SFI1: variants seen among roughly 807,000 people sequenced by gnomAD.
The protein encoded by SFI1 is SFI1 centrin binding protein.
Under a neutral mutation model 207.5 loss-of-function variants are expected in SFI1, and 195 were observed. The observed-to-expected ratio is 0.94, with a 90% CI of 0.84 to 1.06. The LOEUF (loss-of-function observed/expected upper bound fraction) is 1.06. SFI1 is among the 50% of genes least tolerant of loss of function. SFI1 has a pLI of 0.00. For missense variants in SFI1, 1,634 were observed against 1,588.0 expected, an observed-to-expected ratio of 1.03 and a Z score of -0.49; for synonymous variants, 630 against 598.9, an observed-to-expected ratio of 1.05 and a Z score of -0.76.
At chr22:31,614,284 G>C in intron 27 of SFI1, 12 of 317,302 alleles carry the variant, frequency 3.8e-5, no homozygotes, top group Non-Finnish European at 4.3e-5. Context: ...GTGTGAGCTG[G>C]CACCTGTCCC....
At chr22:31,552,692 C>T (rs1257078615) in intron 6 of SFI1, among the ~76,000 whole-genome samples, 1 of 152,136 alleles carries the variant, frequency 6.6e-6, no homozygotes, top group African/African-American at 2.4e-5. Context: ...TAGATTCCCG[C>T]TAGTGGGATT....
intron 12 of SFI1, among the ~76,000 whole-genome samples, chr22:31,582,206 T>TATATATATATATATATATATATATATATA (rs1569376507): frequency 2.7e-5 from 1 of 36,616 alleles, no homozygotes; most frequent in Non-Finnish European, 4.5e-5. Context: ...TTATTACATT[T>TATATATATATATATATATATATATATATA]TATATATATA....
intron 6 of SFI1, among the ~76,000 whole-genome samples, chr22:31,551,623 CT>C (rs2060633214): frequency 6.6e-6 from 1 of 152,152 alleles, no homozygotes; most frequent in Non-Finnish European, 1.5e-5. Flanking sequence ...TAGAGATGGG[CT>C]TTTGCCATGT....
At chr22:31,534,114 C>CATTTT (rs958471651) in intron 4 of SFI1, among the ~76,000 whole-genome samples, 1 of 152,040 alleles carries the variant, frequency 6.6e-6, no homozygotes, top group Admixed American at 6.6e-5. Context: ...TTATTACTCT[C>CATTTT]ATTTTATTTT....
At chr22:31,501,098 A>G (rs1056852812) in intron 1 of SFI1, among the ~76,000 whole-genome samples, 2 of 151,674 alleles carry the variant, frequency 1.3e-5, no homozygotes, top group African/African-American at 4.8e-5. Context: ...TGCCCGGCCA[A>G]ATATTTTTAA....
intron 8 of SFI1, among the ~76,000 whole-genome samples, chr22:31,564,337 A>AG (rs2062033091): frequency 6.6e-6 from 1 of 151,710 alleles, no homozygotes; most frequent in African/African-American, 2.4e-5. Context: ...AAAAAAAAAA[A>AG]AAAAAAATTA....
At chr22:31,510,183 T>C (rs1475873912) in intron 2 of SFI1, among the ~76,000 whole-genome samples, 1 of 151,746 alleles carries the variant, frequency 6.6e-6, no homozygotes, top group Non-Finnish European at 1.5e-5. Flanking sequence ...CTATCTGTGC[T>C]TTTTTTTGTA....
intron 20 of SFI1, chr22:31,605,282 C>T (rs765573429): frequency 8.1e-4 from 149 of 184,522 alleles, no homozygotes; most frequent in Middle Eastern, 4.4e-3. Context: ...CCAGAGGCTT[C>T]AGCGACTCCC....
intron 8 of SFI1, among the ~76,000 whole-genome samples, chr22:31,563,543 T>TA (rs2061945374): frequency 2.0e-5 from 3 of 152,190 alleles, no homozygotes; most frequent in Middle Eastern, 3.4e-3. Flanking sequence ...CTGATGCTAC[T>TA]GTTGCTCAGA....
chr22:31,548,859 T>A (rs1345733589), intron 5 of SFI1, among the ~76,000 whole-genome samples: 1 of 151,518 alleles, frequency 6.6e-6, no homozygotes, highest in Non-Finnish European at 1.5e-5. Context: ...TATTTAAAAC[T>A]AGGAAAATAT....
chr22:31,602,812 C>A (rs1171132101), intron 17 of SFI1, 27 bp downstream of exon 17: 3 of 1,605,368 alleles, frequency 1.9e-6, no homozygotes, highest in Non-Finnish European at 2.6e-6. Flanking sequence ...GCCTTACAAG[C>A]CTTTCCATCA....
At chr22:31,513,304 A>G (rs560864331) in intron 2 of SFI1, among the ~76,000 whole-genome samples, 1 of 151,736 alleles carries the variant, frequency 6.6e-6, no homozygotes, top group African/African-American at 2.4e-5. Context: ...GACTTCAGTA[A>G]TGCACCACCA....
upstream of SFI1, chr22:31,496,215 G>A (rs895923223): frequency 6.6e-6 from 1 of 152,228 alleles, no homozygotes; most frequent in African/African-American, 2.4e-5. Context: ...GGCCGCGGGC[G>A]GCGTAACTCG....
At chr22:31,575,196 A>G (rs2063356858) in intron 9 of SFI1, 35 bp from the exon 10 acceptor site, 1 of 1,565,462 alleles carries the variant, frequency 6.4e-7, no homozygotes. Flanking sequence ...ATCTAACCTT[A>G]GGGGAGTAGC....
intron 8 of SFI1, among the ~76,000 whole-genome samples, chr22:31,564,036 T>A (rs1264381252): frequency 6.6e-6 from 1 of 151,824 alleles, no homozygotes; most frequent in Admixed American, 6.6e-5. Flanking sequence ...TAGAAAAATA[T>A]TAGCAGATAG....
chr22:31,583,009 ATCC>A (rs2064544873), intron 12 of SFI1, among the ~76,000 whole-genome samples: 3 of 152,124 alleles, frequency 2.0e-5, no homozygotes, highest in Admixed American at 6.6e-5. Context: ...TCGTAGCCTC[ATCC>A]TCCTGGGCTC....
intron 15 of SFI1, among the ~76,000 whole-genome samples, chr22:31,593,181 C>G (rs1046309144): frequency 6.7e-6 from 1 of 149,592 alleles, no homozygotes; most frequent in African/African-American, 2.5e-5. Context: ...CGGGCGGAGA[C>G]GCTCCTCACC....
chr22:31,519,792 C>T (rs1197649507), intron 2 of SFI1, among the ~76,000 whole-genome samples: 3 of 151,904 alleles, frequency 2.0e-5, no homozygotes, highest in Non-Finnish European at 4.4e-5. Flanking sequence ...CAGCTGATCT[C>T]AACTCCTAGC....
At chr22:31,558,532 G>A (rs1048563244) in intron 7 of SFI1, among the ~76,000 whole-genome samples, 1 of 150,030 alleles carries the variant, frequency 6.7e-6, no homozygotes, top group Non-Finnish European at 1.5e-5. Context: ...GCAGTGGTGT[G>A]ATCTTGGCTC....
Sources: gnomAD v4.1 joint callset for allele counts (sites outside exome capture counted in the v4.1 genomes callset) on GRCh38, gnomAD v4.1.1 for gene constraint, MANE v1.5 for transcripts, NCBI Gene and HGNC (gene_info 2026-07-23, HGNC 2026-07-21) for gene names.